The following PTPDC1 variants were observed in gnomAD, a reference collection of about 807,000 sequenced individuals.
The protein encoded by PTPDC1 is protein tyrosine phosphatase domain containing 1.
Under a neutral mutation model 75.3 loss-of-function variants are expected in PTPDC1, and 53 were observed. The ratio of observed to expected loss-of-function variants is 0.70; its 90% CI spans 0.56 to 0.88. The LOEUF is 0.88. Among genes scored for constraint, PTPDC1 ranks in the 40% least tolerant of loss-of-function variants. PTPDC1 has a pLI of 0.00. For synonymous variants in PTPDC1, 349 were observed against 366.2 expected, an observed-to-expected ratio of 0.95 and a Z score of 0.54; for missense variants, 925 against 998.6, an observed-to-expected ratio of 0.93 and a Z score of 0.99.
At position 94,059,012 on chromosome 9, in the gene PTPDC1, G is replaced by A. The variant is rs186972013; in HGVS notation, c.-6-5722G>A. Among the ~76,000 whole-genome samples the A allele has an allele frequency of 4.1e-3, 618 of 152,140 alleles. 3 individuals are homozygous for A. Among genetic ancestry groups the A allele is most frequent in the African/African-American group, 0.014 (562 of 41,516 alleles). Reference sequence around the variant, plus strand: ...TCTCACAAACAAACAAAAAACCCAGGAAAGTCTATATAAGAAACATACTGT... The same window carrying A: ...TCTCACAAACAAACAAAAAACCCAGAAAAGTCTATATAAGAAACATACTGT... On this transcript the variant is annotated intron_variant, in intron 1 of 9. Transcript: ENST00000375360.
At chr9:94,102,948 TCTC>T (rs1163071569) in intron 7 of PTPDC1, among the ~76,000 whole-genome samples, 1 of 151,958 alleles carries the variant, frequency 6.6e-6, no homozygotes, top group Non-Finnish European at 1.5e-5. Context: ...CATGTAAACA[TCTC>T]CTCAGTTTCT....
intron 1 of PTPDC1, among the ~76,000 whole-genome samples, chr9:94,053,215 A>G (rs542954614): frequency 5.1e-4 from 77 of 152,146 alleles, no homozygotes; most frequent in Non-Finnish European, 1.0e-3. Context: ...GTAATACTGT[A>G]GTAAACTACC....
At chr9:94,045,804 C>T (rs1052560887) in intron 1 of PTPDC1, among the ~76,000 whole-genome samples, 5 of 151,310 alleles carry the variant, frequency 3.3e-5, no homozygotes, top group Non-Finnish European at 5.9e-5. Flanking sequence ...TGCCTGTTCA[C>T]TCTGATGGTA....
chr9:94,034,991 A>G (rs1825219194), intron 1 of PTPDC1, among the ~76,000 whole-genome samples: 1 of 152,230 alleles, frequency 6.6e-6, no homozygotes, highest in African/African-American at 2.4e-5. Flanking sequence ...TAAAATGTAT[A>G]TGATTCATTT....
intron 1 of PTPDC1, among the ~76,000 whole-genome samples, chr9:94,035,317 A>G (rs770164142): frequency 2.0e-5 from 3 of 152,184 alleles, no homozygotes; most frequent in Admixed American, 6.5e-5. Flanking sequence ...TTTTGCCTTC[A>G]TCTTCCTATT....
At chr9:94,093,903 C>T (rs1434844208) in intron 4 of PTPDC1, among the ~76,000 whole-genome samples, 5 of 150,614 alleles carry the variant, frequency 3.3e-5, no homozygotes, top group Admixed American at 1.3e-4. Context: ...GCATTCTTCA[C>T]GTAGTTCTCG....
intron 4 of PTPDC1, among the ~76,000 whole-genome samples, chr9:94,094,853 A>G (rs1270461467): frequency 4.6e-5 from 7 of 152,326 alleles, no homozygotes; most frequent in Admixed American, 2.6e-4. Flanking sequence ...GGTGCCGTCC[A>G]TCACCCCTTT....
chr9:94,103,204 T>C (rs1466835803), intron 7 of PTPDC1, among the ~76,000 whole-genome samples: 5 of 152,222 alleles, frequency 3.3e-5, no homozygotes, highest in African/African-American at 9.6e-5. Flanking sequence ...AGTCCTTTTC[T>C]TAGGATATTT....
intron 8 of PTPDC1, among the ~76,000 whole-genome samples, chr9:94,107,448 C>T (rs1828062509): frequency 1.3e-5 from 2 of 152,188 alleles, no homozygotes; most frequent in South Asian, 4.1e-4. Context: ...TCCAGAGTGG[C>T]CGTAGGGCCT....
At chr9:94,094,360 C>T (rs944214839) in intron 4 of PTPDC1, among the ~76,000 whole-genome samples, 15 of 82,354 alleles carry the variant, frequency 1.8e-4, no homozygotes, top group African/African-American at 2.6e-4. Context: ...TCAGTGTGCC[C>T]CTGCTGGTGC....
Position 94,101,716 on chromosome 9 carries a change from G to A in PTPDC1, c.2164G>A (p.Ala722Thr). Residue 722 changes from alanine (A) to threonine (T), a missense_variant, in exon 7 of 9, where the codon GCA (alanine) becomes ACA (threonine). Coordinates refer to ENST00000620992, the MANE Select transcript of PTPDC1 (RefSeq NM_001253829.2). ...EDVDMLVDRR[A>T]DAAEALFLLE... ...TGTGGACATGTTGGTTGACAGGCGA[G>A]CAGATGCCGCAGAAGCACTTTTTTT... 6.2e-7 allele frequency: 1 copy of A among 1,612,090 alleles called. No individual in the cohort carries two copies. Among genetic ancestry groups the A allele is most frequent in the Non-Finnish European group, 8.5e-7 (1 of 1,178,860 alleles).
intron 1 of PTPDC1, among the ~76,000 whole-genome samples, chr9:94,043,978 G>A (rs1434405224): frequency 1.3e-5 from 2 of 152,058 alleles, no homozygotes; most frequent in Admixed American, 1.3e-4. Flanking sequence ...ATATTTTTCT[G>A]GGTCTATTTC....
chr9:94,083,222 T>A (rs1486940930), upstream of PTPDC1, among the ~76,000 whole-genome samples: 1 of 152,228 alleles, frequency 6.6e-6, no homozygotes, highest in Non-Finnish European at 1.5e-5. Context: ...TGTGTTGCCC[T>A]TAGGGTCCTG....
rs770506503 is a variant in PTPDC1, at chr9:94,101,760, G to T, written c.2199+9G>T. ...TTTTTTTATTAGAGAAGGTAAAGTG[G>T]CTGTAGGACCAGTTAATGACTGTAA... is the stretch of plus-strand genomic sequence containing the variant. On this transcript the variant is annotated intron_variant, in intron 7 of 8. Coordinates refer to ENST00000620992, the MANE Select transcript of PTPDC1 (RefSeq NM_001253829.2). 4.4e-6 allele frequency: 7 copies of T among 1,589,554 alleles called. No homozygotes were observed. In the African/African-American group the frequency reaches 9.4e-5, roughly 21 times the overall value.
chr9:94,088,383 T>A, intron 4 of PTPDC1, 120 bp downstream of exon 4: 2 of 1,220,392 alleles, frequency 1.6e-6, no homozygotes, highest in Middle Eastern at 2.2e-4. Flanking sequence ...CATAGTAAGG[T>A]TTAGAAAAAA....
chr9:94,108,000 T>C lies in PTPDC1; in HGVS notation c.*56T>C. ...AAGATCCAGATAGTATCTCTGTTCA[T>C]ATGTGAATAAGTTGAAGATTGTGGG... On this transcript the variant is annotated 3_prime_UTR_variant, in exon 9 of 9. Transcript: ENST00000620992. The C allele has an allele frequency of 1.0e-6, 1 of 998,794 alleles. No individual in the cohort carries two copies. The highest frequency in any genetic ancestry group is 1.4e-6 in the Non-Finnish European group (1 of 704,824). 61.9% of individuals were successfully genotyped at this position (998,794 alleles called of 1,614,324 possible).
In PTPDC1 at chr9:94,107,947, T is replaced by C; in HGVS notation, c.*3T>C. On this transcript the variant is annotated 3_prime_UTR_variant, in exon 9 of 9. Transcript: ENST00000620992. ...ATGGCCCTAAGCCTGGCCTCTAGCTTTCACTCGTGGTGAATATTTCAGACC... is the reference window on the plus strand; with the variant it reads ...ATGGCCCTAAGCCTGGCCTCTAGCTCTCACTCGTGGTGAATATTTCAGACC... 1 of 1,543,338 alleles carries C rather than the reference T, an allele frequency of 6.5e-7. No homozygotes were observed. The highest frequency in any genetic ancestry group is 8.8e-7 in the Non-Finnish European group (1 of 1,133,350).
In PTPDC1 at chr9:94,104,262, T is replaced by C. The variant is rs1306252113; in HGVS notation, c.2200-13T>C. On this transcript the variant is annotated splice_polypyrimidine_tract_variant and intron_variant, in intron 7 of 8. Transcript: ENST00000620992. ...TTGAAAAATTTTTTAAATTTTGATT[T>C]CTACAAAAACAGGGACAGCACCAGA... 1.3e-6 allele frequency: 2 copies of C among 1,586,706 alleles called. No individual in the cohort carries two copies. The highest frequency in any genetic ancestry group is 1.7e-6 in the Non-Finnish European group (2 of 1,159,796).
chr9:94,104,360 C>A lies in PTPDC1; in HGVS notation c.2285C>A (p.Ala762Asp). The A allele has an allele frequency of 6.2e-7, 1 of 1,613,330 alleles. No individual in the cohort carries two copies. The highest frequency in any genetic ancestry group is 8.5e-7 in the Non-Finnish European group (1 of 1,179,358). The change falls in exon 8 of 9, where the codon GCC (alanine) becomes GAC (aspartate). Residue 762 changes from alanine to aspartate, a missense_variant. Physicochemically the swap from Ala to Asp is moderately radical, Grantham distance 126. Transcript: ENST00000620992. Reference sequence around the variant, plus strand: ...GTGGATGTGGAGGAAGCTTTCCTTGCCCATGCCATTAAGGCATTCACTAAG... The same window carrying A: ...GTGGATGTGGAGGAAGCTTTCCTTGACCATGCCATTAAGGCATTCACTAAG... Reference protein sequence around the residue: ...IPVDVEEAFLAHAIKAFTKVN... With the variant: ...IPVDVEEAFLDHAIKAFTKVN...
Sources: gnomAD v4.1 joint callset for allele counts (sites outside exome capture counted in the v4.1 genomes callset) on GRCh38, gnomAD v4.1.1 for gene constraint, MANE v1.5 for transcripts, NCBI Gene and HGNC (gene_info 2026-07-23, HGNC 2026-07-21) for gene names.